The following CDKL5 variants were observed in gnomAD, a reference collection of about 807,000 sequenced individuals.
CDKL5 encodes the protein cyclin-dependent kinase-like 5.
Under a neutral mutation model 61.7 loss-of-function variants are expected in CDKL5, and 8 were observed. That is an observed-to-expected ratio of 0.13 (90% CI 0.08 to 0.23). The LOEUF is 0.23. Ranked by LOEUF, CDKL5 falls within the 10% of genes least tolerant of loss-of-function variation. The probability of loss-of-function intolerance (pLI) is 1.00; values close to 1 mark genes in which losing one functional copy is unlikely to be tolerated. For synonymous variants in CDKL5, 275 were observed against 272.3 expected (o/e 1.01, Z -0.10); for missense variants, 440 against 734.5 (o/e 0.60, Z 4.63).
rs764704633 is a variant in CDKL5, at chrX:18,634,776, A to G, written c.*6019A>G. On this transcript the variant is annotated 3_prime_UTR_variant, in exon 18 of 18. Transcript: ENST00000623535. ...AACAAAATCATTGCCCCAAATTTCT[A>G]TCTCCAAGAATTGCTTTGTGCCATT... 2.4e-4 allele frequency: 178 copies of G among 750,922 alleles called. No individual in the cohort carries two copies. Among genetic ancestry groups the G allele is most frequent in the Non-Finnish European group, 2.1e-4 (133 of 638,645 alleles). 61.9% of individuals were successfully genotyped at this position (750,922 alleles called of 1,213,427 possible).
At chrX:18,562,608 A>G (rs5909069) in intron 3 of CDKL5, among the ~76,000 whole-genome samples, 10,889 of 111,708 alleles carry the variant, frequency 0.097, 546 homozygotes, top group Non-Finnish European at 0.15. Context: ...ATGAGTTTAT[A>G]TTATTTTTAT....
Position 18,532,922 on chromosome X carries a change from A to G in CDKL5, c.99+22068A>G, listed in dbSNP as rs186688206. Among the ~76,000 whole-genome samples the G allele has an allele frequency of 1.6e-3, 181 of 111,897 alleles. 1 individual carries two copies. Among genetic ancestry groups the G allele is most frequent in the Middle Eastern group, 4.7e-3 (1 of 214 alleles). ...TGAGAAACAGCCATTAAACCAAGAA[A>G]CAAATTAGCAGTATATTTAAAGATC... On this transcript the variant is annotated intron_variant, in intron 3 of 17. Coordinates refer to ENST00000623535, the MANE Select transcript of CDKL5 (RefSeq NM_001323289.2).
intron 1 of CDKL5, among the ~76,000 whole-genome samples, chrX:18,460,872 G>A (rs1932270623): frequency 8.9e-6 from 1 of 111,794 alleles, no homozygotes; most frequent in African/African-American, 3.2e-5. Context: ...TGGGTTGGCA[G>A]GAGGCATCAC....
At chrX:18,520,306 T>G (rs1232657660) in intron 3 of CDKL5, among the ~76,000 whole-genome samples, 1 of 112,364 alleles carries the variant, frequency 8.9e-6, no homozygotes, top group Admixed American at 9.4e-5. Flanking sequence ...ATTTTGGATA[T>G]TTCATATAAA....
chrX:18,568,839 T>C (rs893693400), intron 4 of CDKL5, among the ~76,000 whole-genome samples: 1 of 109,628 alleles, frequency 9.1e-6, no homozygotes, highest in Non-Finnish European at 1.9e-5. Flanking sequence ...GGACTACAGG[T>C]GCGCACCACC....
At chrX:18,555,873 T>C (rs1175019256) in intron 3 of CDKL5, among the ~76,000 whole-genome samples, 1 of 112,199 alleles carries the variant, frequency 8.9e-6, no homozygotes, top group Admixed American at 9.5e-5. Context: ...TGGTATAGAT[T>C]TTTTGTGTGT....
chrX:18,515,145 G>A (rs1396233882), intron 3 of CDKL5, among the ~76,000 whole-genome samples: 1 of 112,224 alleles, frequency 8.9e-6, no homozygotes, highest in African/African-American at 3.2e-5. Flanking sequence ...ATGTTTTGTA[G>A]CATGCTCTTC....
intron 11 of CDKL5, 81 bp from the exon 12 acceptor site, chrX:18,603,821 A>T (rs1926250445): frequency 9.2e-7 from 1 of 1,089,300 alleles, no homozygotes; most frequent in Non-Finnish European, 1.3e-6. Context: ...TGTTTTGAGT[A>T]TTTGTTCTTT....
chrX:18,556,313 A>ATGTG (rs369107915), intron 3 of CDKL5, among the ~76,000 whole-genome samples: 2 of 109,701 alleles, frequency 1.8e-5, no homozygotes, highest in African/African-American at 3.3e-5. Flanking sequence ...CTCTTCAGTG[A>ATGTG]TGTGTGTGTG....
Position 18,633,761 on chromosome X carries a change from A to G in CDKL5, c.*5004A>G, listed in dbSNP as rs1448477933. The G allele has an allele frequency of 2.7e-6, 2 of 750,427 alleles. No homozygotes were observed. Among genetic ancestry groups the G allele is most frequent in the East Asian group, 3.1e-4 (2 of 6,547 alleles). The allele number at this position is 750,427 out of a possible 1,213,427, so 61.8% of individuals were successfully genotyped here. A position where few individuals can be genotyped will look rare whatever the true frequency, so the allele number is the denominator to read the frequency against. ...TGGTAGGCCTTCATGTGAGCCAGTT[A>G]CTACATGAATCTTCATTTCCCACAG... On this transcript the variant is annotated 3_prime_UTR_variant, in exon 18 of 18. Coordinates refer to ENST00000623535, the MANE Select transcript of CDKL5 (RefSeq NM_001323289.2).
intron 3 of CDKL5, among the ~76,000 whole-genome samples, chrX:18,513,791 A>G (rs1282910168): frequency 8.9e-6 from 1 of 111,820 alleles, no homozygotes; most frequent in Non-Finnish European, 1.9e-5. Context: ...ATTATCCAAA[A>G]ATAGAGAATT....
intron 1 of CDKL5, among the ~76,000 whole-genome samples, chrX:18,472,154 T>C (rs1921119185): frequency 8.9e-6 from 1 of 112,383 alleles, no homozygotes; most frequent in Non-Finnish European, 1.9e-5. Flanking sequence ...CAGTGTCTCT[T>C]TTGGTCTCAT....
In CDKL5 at chrX:18,633,315, G is replaced by C; in HGVS notation, c.*4558G>C. The C allele has an allele frequency of 1.3e-6, 1 of 753,965 alleles. No individual in the cohort carries two copies. The highest frequency in any genetic ancestry group is 1.6e-6 in the Non-Finnish European group (1 of 639,051). 62.1% of individuals were successfully genotyped at this position (753,965 alleles called of 1,213,427 possible). A position where few individuals can be genotyped will look rare whatever the true frequency, so the allele number is the denominator to read the frequency against. On this transcript the variant is annotated 3_prime_UTR_variant, in exon 18 of 18. Transcript: ENST00000623535. ...TCATCACTAAGAAAGTGTGTAGGCAGAGAAAACTTACTTATGGTTTGAAGA... is the reference window on the plus strand; with the variant it reads ...TCATCACTAAGAAAGTGTGTAGGCACAGAAAACTTACTTATGGTTTGAAGA...
intron 3 of CDKL5, among the ~76,000 whole-genome samples, chrX:18,555,078 A>G (rs1254756340): frequency 9.0e-6 from 1 of 111,469 alleles, no homozygotes; most frequent in African/African-American, 3.3e-5. Flanking sequence ...AAAATGGTTA[A>G]AATGAATAAA....
intron 16 of CDKL5, among the ~76,000 whole-genome samples, chrX:18,623,634 A>G (rs1291581130): frequency 9.0e-6 from 1 of 111,272 alleles, no homozygotes; most frequent in Non-Finnish European, 1.9e-5. Context: ...TGGCATTCCT[A>G]CTAGAGGTAT....
At chrX:18,531,897 G>T (rs1213500450) in intron 3 of CDKL5, among the ~76,000 whole-genome samples, 1 of 106,855 alleles carries the variant, frequency 9.4e-6, no homozygotes, top group East Asian at 2.9e-4. Context: ...TAGTAGAGAC[G>T]GGGTTTCACC....
chrX:18,630,863 A>AT lies in CDKL5; in HGVS notation c.*2107dup. 1 of 750,172 alleles carries AT rather than the reference A, an allele frequency of 1.3e-6. No individual in the cohort carries two copies. The highest frequency in any genetic ancestry group is 6.9e-5 in the South Asian group (1 of 14,577). The allele number at this position is 750,172 out of a possible 1,213,427, so 61.8% of individuals were successfully genotyped here. On this transcript the variant is annotated 3_prime_UTR_variant, in exon 18 of 18. Coordinates refer to ENST00000623535, the MANE Select transcript of CDKL5 (RefSeq NM_001323289.2). ...GGCTTTTCCAGGCAGCTGCTTGATG[A>AT]TACAAATGAGGTGGACCATCAGCAG...
downstream of CDKL5, among the ~76,000 whole-genome samples, chrX:18,643,048 A>G (rs1255705587): frequency 1.8e-5 from 2 of 111,868 alleles, no homozygotes; most frequent in Non-Finnish European, 3.8e-5. Flanking sequence ...CCATCTCAAA[A>G]CAAAACAAAA....
In CDKL5 at chrX:18,601,778, T is replaced by G. The variant is rs777644782; in HGVS notation, c.978-2124T>G. Among the ~76,000 whole-genome samples the G allele has an allele frequency of 4.4e-5, 5 of 112,590 alleles. No individual in the cohort carries two copies. The East Asian group carries it at 1.4e-3, about 31-fold the overall frequency. ...TTCTTTCTAAGATCCACATGTACGTTTCTGCTTAACGTCGCTAACAGTGTT... is the reference window on the plus strand; with the variant it reads ...TTCTTTCTAAGATCCACATGTACGTGTCTGCTTAACGTCGCTAACAGTGTT... On this transcript the variant is annotated intron_variant, in intron 11 of 17. Transcript: ENST00000623535.
Sources: gnomAD v4.1 joint callset for allele counts (sites outside exome capture counted in the v4.1 genomes callset) on GRCh38, gnomAD v4.1.1 for gene constraint, MANE v1.5 for transcripts, NCBI Gene and HGNC (gene_info 2026-07-23, HGNC 2026-07-21) for gene names.